Variants in ST3GAL5 observed in about 807,000 individuals in gnomAD.
ST3GAL5 encodes lactosylceramide alpha-2,3-sialyltransferase.
ST3GAL5 carries 25 observed loss-of-function variants against 46.1 expected under a neutral mutation model. The ratio of observed to expected loss-of-function variants is 0.54; its 90% confidence interval spans 0.40 to 0.76. The LOEUF is 0.76. ST3GAL5 is among the 30% of genes least tolerant of loss of function. The pLI, the probability that ST3GAL5 is intolerant of heterozygous loss-of-function variation, is 0.00. For synonymous variants in ST3GAL5, 182 were observed against 192.7 expected, an observed-to-expected ratio of 0.94 and a Z score of 0.46; for missense variants, 431 against 521.2, an observed-to-expected ratio of 0.83 and a Z score of 1.69.
At chr2:85,841,118 C>G (rs1436408969) in intron 6 of ST3GAL5, among the ~76,000 whole-genome samples, 1 of 151,470 alleles carries the variant, frequency 6.6e-6, no homozygotes, top group Non-Finnish European at 1.5e-5. Flanking sequence ...CAGGACCTTC[C>G]ACGGTCCTTC....
chr2:85,887,259 T>G (rs957160584), intron 1 of ST3GAL5: 2 of 152,238 alleles, frequency 1.3e-5, no homozygotes, highest in Non-Finnish European at 2.9e-5. Flanking sequence ...TTAACGTTCA[T>G]CACCAATCTA....
chr2:85,847,649 T>A (rs982468424), intron 4 of ST3GAL5: 48 of 1,305,502 alleles, frequency 3.7e-5, no homozygotes, highest in Non-Finnish European at 4.7e-5. Flanking sequence ...ATATAAAAAA[T>A]TAGCCACGCG....
intron 1 of ST3GAL5, among the ~76,000 whole-genome samples, chr2:85,879,703 A>G (rs1686948793): frequency 6.6e-6 from 1 of 152,222 alleles, no homozygotes; most frequent in Non-Finnish European, 1.5e-5. Context: ...AGGAAATACA[A>G]GTAGTTGGGC....
chr2:85,845,426 T>C (rs1558648609), intron 5 of ST3GAL5: 1 of 152,258 alleles, frequency 6.6e-6, no homozygotes, highest in East Asian at 1.9e-4. Context: ...CCAAAAGCTA[T>C]GCAAGTTCAT....
chr2:85,853,036 T>C, intron 3 of ST3GAL5: 2 of 1,304,222 alleles, frequency 1.5e-6, no homozygotes, highest in South Asian at 1.2e-5. Context: ...AAGAAGCGGC[T>C]GAGTCCATCT....
intron 3 of ST3GAL5, among the ~76,000 whole-genome samples, chr2:85,857,852 C>A (rs1462000375): frequency 1.3e-5 from 2 of 152,136 alleles, no homozygotes; most frequent in Non-Finnish European, 2.9e-5. Flanking sequence ...TGAGAAGACA[C>A]ACAACCAGGG....
At chr2:85,840,506 T>C in intron 6 of ST3GAL5, 114 bp from the exon 7 acceptor site, 1 of 1,093,956 alleles carries the variant, frequency 9.1e-7, no homozygotes, top group Non-Finnish European at 1.4e-6. Flanking sequence ...GGGGCTGCAA[T>C]TTCATACATC....
intron 1 of ST3GAL5, chr2:85,870,348 G>A (rs1262113913): frequency 2.3e-6 from 1 of 435,726 alleles, no homozygotes; most frequent in African/African-American, 2.0e-5. Context: ...GGCGATGGTG[G>A]TTATAGGCCT....
At chr2:85,851,515 GT>G (rs1683501236) in intron 3 of ST3GAL5, 1 of 1,288,544 alleles carries the variant, frequency 7.8e-7, no homozygotes, top group Non-Finnish European at 1.0e-6. Context: ...CTCTGGGATG[GT>G]TTCTGTTCTT....
chr2:85,851,221 T>TA, intron 3 of ST3GAL5: 1 of 1,046,418 alleles, frequency 9.6e-7, no homozygotes, highest in Non-Finnish European at 1.2e-6. Flanking sequence ...AGCCCAAACT[T>TA]AATTTTCTAG....
chr2:85,849,624 A>C (rs13034643), intron 3 of ST3GAL5: 46,115 of 152,078 alleles, frequency 0.3, 7,420 homozygotes, highest in East Asian at 0.54. Context: ...CAAAAAACAA[A>C]AAAACAAACA....
intron 1 of ST3GAL5, among the ~76,000 whole-genome samples, chr2:85,872,570 G>A (rs1006735449): frequency 2.2e-5 from 3 of 135,500 alleles, no homozygotes; most frequent in African/African-American, 5.7e-5. Flanking sequence ...GCAACAGAAA[G>A]AAAAGCTCCA....
chr2:85,844,428 C>T lies in ST3GAL5; in HGVS notation c.976G>A (p.Glu326Lys), dbSNP rs772326956. 1 of 1,614,196 alleles carries T rather than the reference C, an allele frequency of 6.2e-7. No individual in the cohort carries two copies. The highest frequency in any genetic ancestry group is 1.7e-5 in the Admixed American group (1 of 60,022). The part of the protein sequence containing the change: ...ETAFDILQYS[E>K]PQSRFWGRDK... ...CGGCCCCAGAACCTTGACTGAGGCT[C>T]TGAGTACTGAAGGATGTCAAAGGCA... The change falls in exon 6 of 7, where the codon GAG becomes AAG. Residue 326 changes from glutamate to lysine, a missense_variant. Glu to Lys is a moderately conservative substitution (Grantham distance 56). Coordinates refer to ENST00000638572, the MANE Select transcript of ST3GAL5 (RefSeq NM_003896.4).
Position 85,844,444 on chromosome 2 carries a change from G to A in ST3GAL5, c.960C>T (p.Asp320=). Residue 320 remains aspartate, a synonymous_variant, in exon 6 of 7, where the codon GAC becomes GAT. Transcript: ENST00000638572. ...ACTGAGGCTCTGAGTACTGAAGGAT[G>A]TCAAAGGCAGTCTCTTTGATGATAA... The part of the protein sequence containing the change: ...NPVIIKETAF[D]ILQYSEPQSR... 1.9e-6 allele frequency: 3 copies of A among 1,614,226 alleles called. No individual in the cohort carries two copies. The highest frequency in any genetic ancestry group is 4.5e-5 in the East Asian group (2 of 44,890).
chr2:85,867,973 C>T (rs774895770), intron 1 of ST3GAL5: 12 of 320,184 alleles, frequency 3.7e-5, no homozygotes, highest in Non-Finnish European at 5.5e-5. Flanking sequence ...AATCCCTCTA[C>T]TTCAGCTCAG....
intron 1 of ST3GAL5, among the ~76,000 whole-genome samples, chr2:85,884,099 C>G (rs1034747019): frequency 1.3e-5 from 2 of 152,176 alleles, no homozygotes; most frequent in East Asian, 1.9e-4. Context: ...AGCTCTGCCC[C>G]CTATGGCTTC....
Position 85,888,872 on chromosome 2 carries a change from GCCGCTCCGCGCAGCCCGCCGCCTTCGT to G in ST3GAL5, c.7_33del (p.Thr3_Arg11del). Reference sequence around the variant, plus strand: ...GCCTCGGTCCGCGGCTGCAGGGGACGCCGCTCCGCGCAGCCCGCCGCCTTCGTCCGCATACTAATGAGGGGGCGCCGG... The same window carrying G: ...GCCTCGGTCCGCGGCTGCAGGGGACGCCGCATACTAATGAGGGGGCGCCGG... On this transcript the variant is annotated inframe_deletion, in exon 1 of 7. Coordinates refer to ENST00000638572, the MANE Select transcript of ST3GAL5 (RefSeq NM_003896.4). 2.9e-6 allele frequency: 4 copies of G among 1,366,956 alleles called. No homozygotes were observed. The highest frequency in any genetic ancestry group is 2.8e-6 in the Non-Finnish European group (3 of 1,052,666). The allele number at this position is 1,366,956 out of a possible 1,614,324, so 84.7% of individuals were successfully genotyped here. A position where few individuals can be genotyped will look rare whatever the true frequency, so the allele number is the denominator to read the frequency against.
intron 1 of ST3GAL5, among the ~76,000 whole-genome samples, chr2:85,872,934 G>A (rs778286002): frequency 2.6e-5 from 4 of 152,202 alleles, no homozygotes; most frequent in African/African-American, 9.6e-5. Context: ...GGTTAAAGCC[G>A]CCTAGCGACC....
chr2:85,886,793 C>A (rs1432290340), intron 1 of ST3GAL5, among the ~76,000 whole-genome samples: 1 of 152,176 alleles, frequency 6.6e-6, no homozygotes, highest in Admixed American at 6.5e-5. Flanking sequence ...CTTATGCCAC[C>A]CACACTGATC....
Sources: gnomAD v4.1 joint callset for allele counts (sites outside exome capture counted in the v4.1 genomes callset) on GRCh38, gnomAD v4.1.1 for gene constraint, MANE v1.5 for transcripts, NCBI Gene and HGNC (gene_info 2026-07-23, HGNC 2026-07-21) for gene names.